Variants in FRS2 observed in about 807,000 individuals in gnomAD.
FRS2 encodes the protein FGFR signalling adaptor.
A neutral mutation model predicts 43.9 loss-of-function variants in FRS2; 8 were observed. The ratio of observed to expected loss-of-function variants is 0.18; its 90% CI spans 0.11 to 0.33. The LOEUF (loss-of-function observed/expected upper bound fraction) is 0.33. FRS2 is among the 10% of genes least tolerant of loss of function. The pLI is 1.00. For synonymous variants in FRS2, 219 were observed against 220.3 expected (o/e 0.99, Z 0.05); for missense variants, 534 against 627.6 (o/e 0.85, Z 1.59).
chr12:69,490,006 G>A (rs952405059), intron 1 of FRS2, among the ~76,000 whole-genome samples: 4 of 151,606 alleles, frequency 2.6e-5, no homozygotes, highest in African/African-American at 9.7e-5. Context: ...AAAATAGGTC[G>A]TCAAGTCTAA....
At chr12:69,551,307 C>T (rs1466545950) in intron 3 of FRS2, among the ~76,000 whole-genome samples, 2 of 152,102 alleles carry the variant, frequency 1.3e-5, no homozygotes, top group Non-Finnish European at 2.9e-5. Context: ...GAGCTTTGAT[C>T]GCCCCACTAC....
intron 3 of FRS2, among the ~76,000 whole-genome samples, chr12:69,560,379 C>T (rs1273141390): frequency 2.0e-5 from 3 of 152,128 alleles, no homozygotes; most frequent in Non-Finnish European, 2.9e-5. Context: ...GGTTGACTGA[C>T]GGTCAAAGGC....
chr12:69,493,853 T>A (rs565965680), intron 1 of FRS2, among the ~76,000 whole-genome samples: 2 of 152,356 alleles, frequency 1.3e-5, no homozygotes, highest in Admixed American at 1.3e-4. Flanking sequence ...TGCATATACA[T>A]AGGATTTAAT....
chr12:69,572,059 T>C, intron 7 of FRS2, 59 bp from the exon 8 acceptor site: 1 of 1,323,438 alleles, frequency 7.6e-7, no homozygotes, highest in Non-Finnish European at 1.1e-6. Flanking sequence ...CGATTCTTAC[T>C]CATTTTTATT....
At chr12:69,473,322 G>C (rs540960477) in intron 1 of FRS2, among the ~76,000 whole-genome samples, 16 of 152,218 alleles carry the variant, frequency 1.1e-4, no homozygotes, top group Non-Finnish European at 2.4e-4. Context: ...ACTGCATCAT[G>C]TTGCTCCCCA....
Position 69,574,273 on chromosome 12 carries a change from A to C in FRS2, c.845A>C (p.Asn282Thr). 6.2e-7 allele frequency: 1 copy of C among 1,614,228 alleles called. No individual in the cohort carries two copies. The highest frequency in any genetic ancestry group is 8.5e-7 in the Non-Finnish European group (1 of 1,180,024). ...GRDQVSGSGA[N>T]NTEWDTGYDS... ...GATCAAGTTAGTGGAAGTGGAGCAA[A>C]TAACACAGAATGGGACACTGGCTAT... The change falls in exon 9 of 9, where the codon AAT becomes ACT. Residue 282 changes from asparagine (N) to threonine (T), a missense_variant. Around this residue, in one of 3 missense-constraint regions of FRS2, gnomAD observed 446 missense variants for 494.2 expected, o/e 0.90. Transcript: ENST00000549921.
intron 3 of FRS2, among the ~76,000 whole-genome samples, chr12:69,555,106 G>A (rs933151361): frequency 1.3e-5 from 2 of 150,792 alleles, no homozygotes; most frequent in African/African-American, 4.9e-5. Flanking sequence ...GTGCAGTGGC[G>A]CAATCTCAGC....
chr12:69,547,806 T>C (rs1045323488), intron 3 of FRS2, among the ~76,000 whole-genome samples: 9 of 151,450 alleles, frequency 5.9e-5, no homozygotes, highest in African/African-American at 2.2e-4. Context: ...TTTTACCATT[T>C]TTAGAAAAAT....
intron 1 of FRS2, among the ~76,000 whole-genome samples, chr12:69,512,187 T>C (rs939301447): frequency 1.7e-4 from 26 of 152,332 alleles, no homozygotes; most frequent in Admixed American, 3.9e-4. Flanking sequence ...CATGTACTTT[T>C]TGATCTTGCA....
At chr12:69,554,767 T>C (rs1219858698) in intron 3 of FRS2, among the ~76,000 whole-genome samples, 1 of 151,860 alleles carries the variant, frequency 6.6e-6, no homozygotes, top group Non-Finnish European at 1.5e-5. Context: ...TGCAGTGGCA[T>C]GATCACAGCT....
chr12:69,529,118 C>T (rs1488796016), intron 1 of FRS2, among the ~76,000 whole-genome samples: 5 of 152,136 alleles, frequency 3.3e-5, no homozygotes, highest in African/African-American at 9.7e-5. Context: ...ATGACATGAT[C>T]TGACTTTCTT....
At chr12:69,515,982 A>G (rs1164166483) in intron 1 of FRS2, among the ~76,000 whole-genome samples, 1 of 150,702 alleles carries the variant, frequency 6.6e-6, no homozygotes, top group African/African-American at 2.4e-5. Context: ...GGTTTGGGCA[A>G]GAGGAAATGG....
intron 4 of FRS2, among the ~76,000 whole-genome samples, chr12:69,567,459 G>A (rs955025192): frequency 2.4e-4 from 36 of 152,034 alleles, no homozygotes; most frequent in Non-Finnish European, 4.3e-4. Context: ...TGTATGCTAG[G>A]TATCGTGTTA....
At position 69,544,099 on chromosome 12, in the gene FRS2, G is replaced by C. The variant is rs59585356; in HGVS notation, c.-122+12043G>C. On this transcript the variant is annotated intron_variant, in intron 3 of 8. Transcript: ENST00000549921. ...TGGGCAGGGTCGGGGGGGTGGGGAG[G>C]CTTTCTTTTTTTTTTTTTTAAGAGT... Among the ~76,000 whole-genome samples the C allele has an allele frequency of 3.0e-3, 446 of 150,126 alleles. 1 individual carries two copies. The highest frequency in any genetic ancestry group is 0.01 in the African/African-American group (427 of 40,876).
chr12:69,571,982 A>G, intron 7 of FRS2, 136 bp from the exon 8 acceptor site: 1 of 579,756 alleles, frequency 1.7e-6, no homozygotes, highest in South Asian at 2.5e-5. Context: ...AGTTGGGGGT[A>G]ATACTATTTG....
chr12:69,487,668 G>T (rs528576420), intron 1 of FRS2, among the ~76,000 whole-genome samples: 1 of 152,142 alleles, frequency 6.6e-6, no homozygotes, highest in African/African-American at 2.4e-5. Context: ...AAGTCTTATT[G>T]TTTAAGAAAT....
At chr12:69,500,308 C>T (rs1873328095) in intron 1 of FRS2, among the ~76,000 whole-genome samples, 1 of 152,108 alleles carries the variant, frequency 6.6e-6, no homozygotes, top group Non-Finnish European at 1.5e-5. Flanking sequence ...TTTCTCATGA[C>T]ATGATTGGTT....
intron 3 of FRS2, among the ~76,000 whole-genome samples, chr12:69,546,288 C>T (rs930261553): frequency 8.6e-5 from 13 of 151,932 alleles, no homozygotes; most frequent in African/African-American, 2.4e-4. Flanking sequence ...GACAGAGTCT[C>T]GCTGTATTGC....
chr12:69,529,295 A>G (rs1024571207), intron 1 of FRS2, among the ~76,000 whole-genome samples: 1 of 152,138 alleles, frequency 6.6e-6, no homozygotes, highest in African/African-American at 2.4e-5. Flanking sequence ...TGGAGCTCCT[A>G]GGATGAACAC....
Sources: gnomAD v4.1 joint callset for allele counts (sites outside exome capture counted in the v4.1 genomes callset) on GRCh38, gnomAD v4.1.1 for gene constraint, gnomAD v4.1.1 regional missense constraint, MANE v1.5 for transcripts, NCBI Gene and HGNC (gene_info 2026-07-23, HGNC 2026-07-21) for gene names.